Variants in RFTN1 observed in about 807,000 individuals in gnomAD.
RFTN1 encodes raftlin, lipid raft linker 1, also known as raftlin.
RFTN1 carries 26 observed loss-of-function variants against 46.5 expected under a neutral mutation model. The observed-to-expected ratio is 0.56, with a 90% CI of 0.41 to 0.78. The LOEUF is 0.78. Among genes scored for constraint, RFTN1 ranks in the 30% least tolerant of loss-of-function variants. RFTN1 has a pLI of 0.00. For synonymous variants in RFTN1, 261 were observed against 284.2 expected (o/e 0.92, Z 0.82); for missense variants, 693 against 718.7 (o/e 0.96, Z 0.41).
intron 7 of RFTN1, among the ~76,000 whole-genome samples, chr3:16,350,477 A>C (rs1350200124): frequency 6.7e-6 from 1 of 149,118 alleles, no homozygotes; most frequent in Non-Finnish European, 1.5e-5. Flanking sequence ...AATGAGCTCA[A>C]GCTGAGATGA....
Position 16,424,788 on chromosome 3 carries a change from T to A in RFTN1, c.332+9063A>T, listed in dbSNP as rs1184919148. 1.3e-5 allele frequency among the ~76,000 whole-genome samples: 2 copies of A among 152,178 alleles called. 1 individual carries two copies. Among genetic ancestry groups the A allele is most frequent in the South Asian group, 4.1e-4 (2 of 4,828 alleles). On this transcript the variant is annotated intron_variant, in intron 3 of 9. Coordinates refer to ENST00000334133, the MANE Select transcript of RFTN1 (RefSeq NM_015150.2). This position sits in a 1 kb window ranked among gnomAD's most constrained non-coding sequence, Gnocchi z 4.7. ...TCATTATATAAAAATCTCATGAACATTTAAATCATTAATAATGTACTTATA... is the reference window on the plus strand; with the variant it reads ...TCATTATATAAAAATCTCATGAACAATTAAATCATTAATAATGTACTTATA...
At chr3:16,399,241 A>T (rs1026972951) in intron 4 of RFTN1, among the ~76,000 whole-genome samples, 5 of 152,196 alleles carry the variant, frequency 3.3e-5, no homozygotes, top group African/African-American at 4.8e-5. Flanking sequence ...CAGCAAACCC[A>T]TGAGAAAAAA....
intron 4 of RFTN1, among the ~76,000 whole-genome samples, chr3:16,390,652 C>T (rs1337399085): frequency 6.6e-6 from 1 of 152,218 alleles, no homozygotes; most frequent in Non-Finnish European, 1.5e-5. Flanking sequence ...CATTCCCAGG[C>T]ACCATCAGAG....
rs1295382634 is a variant in RFTN1, at chr3:16,361,617, G to C, written c.1031-3570C>G. ...GGACAGCCAGCCTGACATGCAGAGT[G>C]AACGAAGGACAGCCAAGGACCAGGT... On this transcript the variant is annotated intron_variant, in intron 6 of 9. Coordinates refer to ENST00000334133, the MANE Select transcript of RFTN1 (RefSeq NM_015150.2). This position sits in a 1 kb window ranked among gnomAD's most constrained non-coding sequence, Gnocchi z 4.3. 6.6e-6 allele frequency among the ~76,000 whole-genome samples: 1 copy of C among 152,184 alleles called. No homozygotes were observed. Among genetic ancestry groups the C allele is most frequent in the African/African-American group, 2.4e-5 (1 of 41,444 alleles).
At position 16,460,488 on chromosome 3, in the gene RFTN1, C is replaced by G. The variant is rs1164988768; in HGVS notation, c.146-26451G>C. ...TCATACTCCTTGGACCACACCTGGG[C>G]AAGCAAAGTGAAGTGGGAAATAAAA... is the stretch of plus-strand genomic sequence containing the variant. On this transcript the variant is annotated intron_variant, in intron 2 of 9. Coordinates refer to ENST00000334133, the MANE Select transcript of RFTN1 (RefSeq NM_015150.2). This position sits in a 1 kb window ranked among gnomAD's most constrained non-coding sequence, Gnocchi z 4.8. Among the ~76,000 whole-genome samples, 1 of 152,074 alleles carries G rather than the reference C, an allele frequency of 6.6e-6. No homozygotes were observed. The highest frequency in any genetic ancestry group is 2.4e-5 in the African/African-American group (1 of 41,398).
rs968187382 is a variant in RFTN1 at position 16,402,883 on chromosome 3, G to T, written c.441+6492C>A. 6.6e-6 allele frequency among the ~76,000 whole-genome samples: 1 copy of T among 152,178 alleles called. No individual in the cohort carries two copies. Among genetic ancestry groups the T allele is most frequent in the East Asian group, 1.9e-4 (1 of 5,194 alleles). On this transcript the variant is annotated intron_variant, in intron 4 of 9. Coordinates refer to ENST00000334133, the MANE Select transcript of RFTN1 (RefSeq NM_015150.2). This position sits in a 1 kb window ranked among gnomAD's most constrained non-coding sequence, Gnocchi z 4.5. ...AAGGCTCAGTGGGCCAGTGCAAGAT[G>T]AACCTAGTTCTTAAGGAGATCAGGG...
rs1395418132 is a variant in RFTN1 at position 16,326,885 on chromosome 3, A to T, written c.1147-9T>A. On this transcript the variant is annotated splice_polypyrimidine_tract_variant and intron_variant, in intron 7 of 9. Coordinates refer to ENST00000334133, the MANE Select transcript of RFTN1 (RefSeq NM_015150.2). ...GTCTGCACTTCGACACCCTGGGGGA[A>T]CAAGGCCAGCATTAGGGCTGCTGCT... 6.2e-7 allele frequency: 1 copy of T among 1,610,554 alleles called. No homozygotes were observed. Among genetic ancestry groups the T allele is most frequent in the Admixed American group, 1.7e-5 (1 of 59,876 alleles).
intron 6 of RFTN1, among the ~76,000 whole-genome samples, chr3:16,362,726 T>C (rs955596415): frequency 6.6e-6 from 1 of 152,222 alleles, no homozygotes; most frequent in Non-Finnish European, 1.5e-5. Context: ...CTAAGCCCTT[T>C]AAAAGTGCCT....
In RFTN1 at chr3:16,385,548, G is replaced by T. The variant is rs1276765457; in HGVS notation, c.442-7446C>A. Among the ~76,000 whole-genome samples the T allele has an allele frequency of 6.6e-6, 1 of 151,490 alleles. No individual in the cohort carries two copies. Among genetic ancestry groups the T allele is most frequent in the African/African-American group, 2.4e-5 (1 of 41,358 alleles). Reference sequence around the variant, plus strand: ...AGTTATATTATTGGTCAAATCAGTTGATTTATTTTAGCCTCAGTTTCTTAA... The same window carrying T: ...AGTTATATTATTGGTCAAATCAGTTTATTTATTTTAGCCTCAGTTTCTTAA... On this transcript the variant is annotated intron_variant, in intron 4 of 9. Coordinates refer to ENST00000334133, the MANE Select transcript of RFTN1 (RefSeq NM_015150.2). This position sits in a 1 kb window ranked among gnomAD's most constrained non-coding sequence, Gnocchi z 5.0.
chr3:16,476,959 C>A (rs1332365517), intron 2 of RFTN1, among the ~76,000 whole-genome samples: 1 of 152,100 alleles, frequency 6.6e-6, no homozygotes, highest in African/African-American at 2.4e-5. Flanking sequence ...ATGACGACAC[C>A]AAGATTTCCC....
Position 16,413,639 on chromosome 3 carries a change from C to T in RFTN1, c.333-4156G>A, listed in dbSNP as rs1334573634. Among the ~76,000 whole-genome samples the T allele has an allele frequency of 6.6e-6, 1 of 152,146 alleles. No homozygotes were observed. Among genetic ancestry groups the T allele is most frequent in the Non-Finnish European group, 1.5e-5 (1 of 68,024 alleles). On this transcript the variant is annotated intron_variant, in intron 3 of 9. Coordinates refer to ENST00000334133, the MANE Select transcript of RFTN1 (RefSeq NM_015150.2). The surrounding 1 kb of genome is among the most constrained non-coding windows in gnomAD (Gnocchi z 4.7). ...AAAACACAGAATGCATTTCTGGAGA[C>T]GTACACAGGGTTAACTAACAGCAAA...
At chr3:16,411,846 TA>T (rs1178661342) in intron 3 of RFTN1, among the ~76,000 whole-genome samples, 1 of 152,198 alleles carries the variant, frequency 6.6e-6, no homozygotes, top group Non-Finnish European at 1.5e-5. Flanking sequence ...ATGAATAGAC[TA>T]AAAAACTATA....
chr3:16,391,914 A>G (rs554751571), intron 4 of RFTN1, among the ~76,000 whole-genome samples: 2 of 141,548 alleles, frequency 1.4e-5, no homozygotes, highest in Non-Finnish European at 3.0e-5. Flanking sequence ...CGGGGAAGAA[A>G]GCTAAGAATT....
chr3:16,358,818 G>A (rs1347356913), intron 6 of RFTN1, among the ~76,000 whole-genome samples: 1 of 152,016 alleles, frequency 6.6e-6, no homozygotes, highest in African/African-American at 2.4e-5. Flanking sequence ...GATTCACTGA[G>A]CTCAGGAGTT....
chr3:16,414,467 C>A (rs995815967), intron 3 of RFTN1, among the ~76,000 whole-genome samples: 3 of 151,770 alleles, frequency 2.0e-5, no homozygotes. Context: ...ATTAGCCAGG[C>A]ATGGTGGTGC....
At chr3:16,391,870 TTTTTTTTTTTTG>T (rs1318588005) in intron 4 of RFTN1, among the ~76,000 whole-genome samples, 6 of 9,838 alleles carry the variant, frequency 6.1e-4, no homozygotes, top group South Asian at 1.3e-3. Flanking sequence ...TTTTTTTTTG[TTTTTTTTTTTTG>T]TTTTTTTTTT....
At chr3:16,501,792 T>C (rs559029058) in intron 1 of RFTN1, among the ~76,000 whole-genome samples, 8 of 152,334 alleles carry the variant, frequency 5.3e-5, no homozygotes, top group Admixed American at 5.2e-4. Flanking sequence ...AAAAGTTCAG[T>C]AGAGTATTCA....
rs1438103258 is a variant in RFTN1, at chr3:16,449,757, C to T, written c.146-15720G>A. On this transcript the variant is annotated intron_variant, in intron 2 of 9. Transcript: ENST00000334133. The surrounding 1 kb of genome is among the most constrained non-coding windows in gnomAD (Gnocchi z 5.1). ...CTAGAACATCAAGACTCAGAAAAAT[C>T]AACGAGACAAAAGCCATGCTGACAG... is the stretch of plus-strand genomic sequence containing the variant. Among the ~76,000 whole-genome samples, 2 of 152,190 alleles carry T rather than the reference C, an allele frequency of 1.3e-5. No homozygotes were observed. The highest frequency in any genetic ancestry group is 4.8e-5 in the African/African-American group (2 of 41,450).
At position 16,317,169 on chromosome 3, in the gene RFTN1, G is replaced by T; in HGVS notation, c.1396C>A (p.Leu466Ile). 1 of 1,613,552 alleles carries T rather than the reference G, an allele frequency of 6.2e-7. No individual in the cohort carries two copies. Among genetic ancestry groups the T allele is most frequent in the Non-Finnish European group, 8.5e-7 (1 of 1,179,968 alleles). ...NRQMRKSKGK[L>I]SARDKQQAEE... ...GCTTGTTGTTTGTCTCTGGCACTGA[G>T]TTTACCTTTTGATTTCCTCATCTGC... Residue 466 changes from leucine (L) to isoleucine (I), a missense_variant, in exon 10 of 10, where the codon CTC becomes ATC. Physicochemically the swap from Leu to Ile is conservative, Grantham distance 5 (BLOSUM62 2). Coordinates refer to ENST00000334133, the MANE Select transcript of RFTN1 (RefSeq NM_015150.2). This position sits in a 1 kb window ranked among gnomAD's most constrained non-coding sequence, Gnocchi z 4.3.
Sources: gnomAD v4.1 joint callset for allele counts (sites outside exome capture counted in the v4.1 genomes callset) on GRCh38, gnomAD v4.1.1 for gene constraint, Gnocchi (gnomAD v3.1) non-coding constraint, MANE v1.5 for transcripts, NCBI Gene and HGNC (gene_info 2026-07-23, HGNC 2026-07-21) for gene names.